The following MYH15 variants were observed in gnomAD, a reference collection of about 807,000 sequenced individuals.
MYH15 encodes myosin-15.
In MYH15, 227 loss-of-function variants were observed where a neutral mutation model predicts 240.5. That is an observed-to-expected ratio of 0.94 (90% CI 0.85 to 1.05). The LOEUF (loss-of-function observed/expected upper bound fraction) is 1.05. Among genes scored for constraint, MYH15 ranks in the 50% least tolerant of loss-of-function variants. The pLI is 0.00. For missense variants in MYH15, 2,217 were observed against 2,247.5 expected (o/e 0.99, Z 0.27); for synonymous variants, 785 against 796.7 (o/e 0.99, Z 0.25).
rs147251824 is a variant in MYH15, at chr3:108,405,188, T to C, written c.4736+150A>G. The C allele has an allele frequency of 5.1e-3, 2,173 of 429,044 alleles. 31 individuals are homozygous for C. The highest frequency in any genetic ancestry group is 0.031 in the African/African-American group (1,552 of 50,224). 26.6% of individuals were successfully genotyped at this position (429,044 alleles called of 1,614,324 possible). ...GAATATCTATACACGATTATAGATA[T>C]TGTATATAAAAGAAAATAATATAGA... On this transcript the variant is annotated intron_variant, in intron 33 of 40. Coordinates refer to ENST00000693548, the MANE Select transcript of MYH15 (RefSeq NM_014981.3).
At chr3:108,520,611 C>A (rs1324023930) in intron 1 of MYH15, among the ~76,000 whole-genome samples, 1 of 152,078 alleles carries the variant, frequency 6.6e-6, no homozygotes, top group Non-Finnish European at 1.5e-5. Flanking sequence ...TTTCTATAAC[C>A]AAAATCCGCA....
At position 108,501,811 on chromosome 3, in the gene MYH15, T is replaced by C. The variant is rs2083440885; in HGVS notation, c.240A>G (p.Pro80=). ...CCATGTCTTCAATCATTTCAAACTCTGGAGGATTCATCTGCTGGATTTTGT... is the reference window on the plus strand; with the variant it reads ...CCATGTCTTCAATCATTTCAAACTCCGGAGGATTCATCTGCTGGATTTTGT... The part of the protein sequence containing the change: ...KEDKIQQMNP[P]EFEMIEDMAM... The change falls in exon 3 of 41, where the codon CCA becomes CCG. Residue 80 remains proline, a synonymous_variant. Transcript: ENST00000693548. 1 of 1,614,116 alleles carries C rather than the reference T, an allele frequency of 6.2e-7. No homozygotes were observed. The highest frequency in any genetic ancestry group is 8.5e-7 in the Non-Finnish European group (1 of 1,179,976).
Position 108,510,589 on chromosome 3 carries a change from T to C in MYH15, c.-59A>G. ...AAACGTGAGTAGGCAAGATTCAACC[T>C]GAAAAAAAAAAATTGATACAGAGAA... On this transcript the variant is annotated 5_prime_UTR_variant, in exon 1 of 41. Transcript: ENST00000693548. The C allele has an allele frequency of 6.5e-6, 10 of 1,537,838 alleles. No individual in the cohort carries two copies. The highest frequency in any genetic ancestry group is 8.7e-6 in the Non-Finnish European group (10 of 1,147,124).
intron 38 of MYH15, among the ~76,000 whole-genome samples, chr3:108,388,527 GC>G (rs1365680941): frequency 1.3e-5 from 2 of 152,046 alleles, no homozygotes; most frequent in African/African-American, 4.8e-5. Context: ...TTGAGTGTTT[GC>G]GCAACCAGAA....
At chr3:108,467,109 C>T (rs2083125567) in intron 14 of MYH15, among the ~76,000 whole-genome samples, 1 of 151,810 alleles carries the variant, frequency 6.6e-6, no homozygotes, top group Non-Finnish European at 1.5e-5. Context: ...AAAGTGTAGG[C>T]CCTCAGCACA....
intron 6 of MYH15, among the ~76,000 whole-genome samples, chr3:108,496,714 A>G (rs1290674233): frequency 6.6e-6 from 1 of 151,830 alleles, no homozygotes; most frequent in African/African-American, 2.4e-5. Flanking sequence ...TATATGAGCA[A>G]GGATTTCCAT....
At chr3:108,390,182 T>C (rs2082413577) in intron 37 of MYH15, among the ~76,000 whole-genome samples, 1 of 152,120 alleles carries the variant, frequency 6.6e-6, no homozygotes, top group South Asian at 2.1e-4. Flanking sequence ...TAAAACACCT[T>C]GGGGAAAAAC....
At chr3:108,460,577 A>G (rs987045614) in intron 16 of MYH15, among the ~76,000 whole-genome samples, 3 of 152,180 alleles carry the variant, frequency 2.0e-5, no homozygotes, top group African/African-American at 4.8e-5. Context: ...CAACTGTGCA[A>G]TGATACTCAC....
chr3:108,460,259 G>T, intron 17 of MYH15, 41 bp downstream of exon 17: 2 of 1,439,706 alleles, frequency 1.4e-6, no homozygotes, highest in Non-Finnish European at 1.9e-6. Flanking sequence ...TATGCAGATT[G>T]TGAGGCAATT....
In MYH15 at chr3:108,472,318, G is replaced by A. The variant is rs145879848; in HGVS notation, c.1234-1471C>T. Among the ~76,000 whole-genome samples, 509 of 152,300 alleles carry A rather than the reference G, an allele frequency of 3.3e-3. 2 individuals are homozygous for A. The highest frequency in any genetic ancestry group is 0.012 in the African/African-American group (484 of 41,574). ...CATTCTCCAAGCCTGGAAACAGAAC[G>A]TGCTCCAATCACTTAACATTTAAAA... On this transcript the variant is annotated intron_variant, in intron 12 of 40. Coordinates refer to ENST00000693548, the MANE Select transcript of MYH15 (RefSeq NM_014981.3).
intron 32 of MYH15, among the ~76,000 whole-genome samples, chr3:108,406,961 A>G (rs2082551355): frequency 6.6e-6 from 1 of 152,208 alleles, no homozygotes; most frequent in South Asian, 2.1e-4. Context: ...CTTTCAGTTA[A>G]GGTGGTGGCT....
the MYH15 span, among the ~76,000 whole-genome samples, chr3:108,537,852 C>T: frequency 1.3e-5 from 2 of 152,184 alleles, no homozygotes; most frequent in Admixed American, 1.3e-4. Context: ...TAATACATAG[C>T]CCACTTCAAG....
At chr3:108,389,803 G>C (rs1194687815) in intron 37 of MYH15, among the ~76,000 whole-genome samples, 1 of 152,162 alleles carries the variant, frequency 6.6e-6, no homozygotes, top group East Asian at 1.9e-4. Flanking sequence ...CCCTGCCTAG[G>C]GGGCTCTTAC....
chr3:108,534,677 G>A, the MYH15 span, among the ~76,000 whole-genome samples: 1 of 150,750 alleles, frequency 6.6e-6, no homozygotes, highest in South Asian at 2.1e-4. Flanking sequence ...ACCAGTCTGG[G>A]TAACATAGTG....
chr3:108,395,414 C>T (rs2082452365), intron 35 of MYH15, among the ~76,000 whole-genome samples: 1 of 152,220 alleles, frequency 6.6e-6, no homozygotes, highest in African/African-American at 2.4e-5. Context: ...TAGATTTCCA[C>T]TGCCATGGCC....
chr3:108,388,695 C>T (rs186290057), intron 38 of MYH15, among the ~76,000 whole-genome samples: 2 of 152,326 alleles, frequency 1.3e-5, no homozygotes, highest in African/African-American at 2.4e-5. Context: ...ACTGCAAACA[C>T]TATGTGTGAA....
At chr3:108,408,442 G>T in intron 31 of MYH15, 38 bp from the exon 32 acceptor site, 1 of 1,580,282 alleles carries the variant, frequency 6.3e-7, no homozygotes, top group South Asian at 1.2e-5. Context: ...TTAGTGAATG[G>T]GCTCAGTCTC....
intron 21 of MYH15, 59 bp downstream of exon 21, chr3:108,453,947 G>T: frequency 6.5e-7 from 1 of 1,526,822 alleles, no homozygotes; most frequent in Non-Finnish European, 9.0e-7. Flanking sequence ...GAGATTAGTT[G>T]CACTGGTTGA....
intron 30 of MYH15, among the ~76,000 whole-genome samples, chr3:108,413,440 G>T (rs1292943232): frequency 6.6e-6 from 1 of 152,194 alleles, no homozygotes; most frequent in East Asian, 1.9e-4. Context: ...AAGCTAAAGA[G>T]AAATGTATTG....
Sources: allele counts gnomAD v4.1 joint callset (sites outside exome capture counted in the v4.1 genomes callset), GRCh38; gene constraint gnomAD v4.1.1; transcripts MANE v1.5; gene names NCBI Gene and HGNC (gene_info 2026-07-23, HGNC 2026-07-21).